Variants in BDP1 observed in about 807,000 individuals in gnomAD.
The protein encoded by BDP1 is BDP1 general transcription factor IIIB subunit.
BDP1 carries 169 observed loss-of-function variants against 266.6 expected under a neutral mutation model. The observed-to-expected ratio is 0.63, with a 90% confidence interval of 0.56 to 0.72. The LOEUF is 0.72. BDP1 is among the 30% of genes least tolerant of loss of function. BDP1 has a pLI of 0.00. For missense variants in BDP1, 3,015 were observed against 3,053.8 expected, an observed-to-expected ratio of 0.99 and a Z score of 0.30; for synonymous variants, 1,090 against 1,022.4, an observed-to-expected ratio of 1.07 and a Z score of -1.26.
At chr5:71,570,532 A>G (rs941368109), downstream of BDP1, among the ~76,000 whole-genome samples, 5 of 152,228 alleles carry the variant, frequency 3.3e-5, no homozygotes, top group African/African-American at 1.2e-4. Context: ...GTGTCATGCA[A>G]CACTTTAGAA....
chr5:71,511,738 T>C lies in BDP1; in HGVS notation c.4060-503T>C, dbSNP rs114505516. Among the ~76,000 whole-genome samples, 524 of 152,276 alleles carry C rather than the reference T, an allele frequency of 3.4e-3. 3 individuals are homozygous for C. Among genetic ancestry groups the C allele is most frequent in the African/African-American group, 0.012 (494 of 41,564 alleles). The stretch of plus-strand genomic sequence containing the variant: ...AAGTCAGATGGGCAAGGATCAAACT[T>C]TTCTTTTGGCTTAGGTTTGAGATCT... On this transcript the variant is annotated intron_variant, in intron 17 of 38. Coordinates refer to ENST00000358731, the MANE Select transcript of BDP1 (RefSeq NM_018429.3).
intron 28 of BDP1, among the ~76,000 whole-genome samples, chr5:71,540,807 G>A (rs1766919955): frequency 6.6e-6 from 1 of 152,114 alleles, no homozygotes; most frequent in African/African-American, 2.4e-5. Flanking sequence ...GCATGGTGGT[G>A]TACACTTGTA....
intron 28 of BDP1, among the ~76,000 whole-genome samples, 168 bp downstream of exon 28, chr5:71,539,817 C>T (rs1766852137): frequency 6.6e-6 from 1 of 151,986 alleles, no homozygotes; most frequent in African/African-American, 2.4e-5. Flanking sequence ...TATTTTACTA[C>T]TGTTTAGGTG....
rs1453330491 is a variant in BDP1 at position 71,541,439 on chromosome 5, T to G, written c.6023-15T>G. ...TTTGGTCCATTTTAATTTTGTTTTT[T>G]TTTTTTTTCTTCAGTAGGAGTATGT... On this transcript the variant is annotated splice_polypyrimidine_tract_variant and intron_variant, in intron 28 of 38. Transcript: ENST00000358731. The G allele has an allele frequency of 6.6e-6, 7 of 1,056,930 alleles. No homozygotes were observed. The highest frequency in any genetic ancestry group is 1.6e-5 in the African/African-American group (1 of 61,290). 65.5% of individuals were successfully genotyped at this position (1,056,930 alleles called of 1,614,324 possible). A position where few individuals can be genotyped will look rare whatever the true frequency, so the allele number is the denominator to read the frequency against.
intron 25 of BDP1, among the ~76,000 whole-genome samples, chr5:71,525,517 G>A (rs1765777327): frequency 7.3e-6 from 1 of 136,850 alleles, no homozygotes; most frequent in African/African-American, 2.7e-5. Context: ...CCTCCCGGAC[G>A]GGGCGGCTGG....
chr5:71,496,846 G>A (rs1201212128), intron 12 of BDP1, among the ~76,000 whole-genome samples: 1 of 152,218 alleles, frequency 6.6e-6, no homozygotes. Flanking sequence ...GCCTCCCAAA[G>A]TGCTGGGATT....
At chr5:71,470,892 T>G (rs1424194960) in intron 7 of BDP1, among the ~76,000 whole-genome samples, 1 of 125,704 alleles carries the variant, frequency 8.0e-6, no homozygotes, top group Admixed American at 7.7e-5. Flanking sequence ...TGCCCAGCCC[T>G]TTTTTTTTTT....
At chr5:71,506,802 CACACACACACACACACACACA>C (rs2150458898) in intron 16 of BDP1, among the ~76,000 whole-genome samples, 1 of 136,050 alleles carries the variant, frequency 7.4e-6, no homozygotes, top group South Asian at 2.6e-4. Flanking sequence ...CACACACACA[CACACACACACACACACACACA>C]CCCATATTTT....
intron 11 of BDP1, chr5:71,494,884 A>C (rs1055673840): frequency 1.3e-5 from 2 of 154,462 alleles, no homozygotes; most frequent in Non-Finnish European, 2.9e-5. Context: ...TTTTTAGTAG[A>C]GATGGGATTT....
chr5:71,546,133 G>T (rs1742284527), intron 32 of BDP1, among the ~76,000 whole-genome samples: 1 of 152,006 alleles, frequency 6.6e-6, no homozygotes, highest in South Asian at 2.1e-4. Flanking sequence ...AAGGAGTTTG[G>T]TTACATTTAA....
chr5:71,531,953 C>T (rs770050675), intron 25 of BDP1, among the ~76,000 whole-genome samples: 8 of 152,128 alleles, frequency 5.3e-5, no homozygotes, highest in Non-Finnish European at 1.2e-4. Flanking sequence ...CTTTATATCC[C>T]TGTACACCTA....
At chr5:71,512,647 G>T (rs920533521) in intron 18 of BDP1, among the ~76,000 whole-genome samples, 5 of 152,290 alleles carry the variant, frequency 3.3e-5, no homozygotes, top group African/African-American at 7.2e-5. Flanking sequence ...ATACAGGTTT[G>T]ATAGACTCAT....
chr5:71,509,041 T>C (rs1159941114), intron 16 of BDP1, among the ~76,000 whole-genome samples: 3 of 152,182 alleles, frequency 2.0e-5, no homozygotes, highest in Non-Finnish European at 1.5e-5. Flanking sequence ...ATCCAGGTAT[T>C]TGAGGTGGTC....
At chr5:71,479,570 G>A (rs551189052) in intron 7 of BDP1, among the ~76,000 whole-genome samples, 8 of 149,156 alleles carry the variant, frequency 5.4e-5, no homozygotes, top group East Asian at 4.0e-4. Flanking sequence ...TTTTTGAGGC[G>A]GAGTCTCGCT....
chr5:71,490,847 T>A, intron 10 of BDP1, 137 bp from the exon 11 acceptor site: 1 of 780,914 alleles, frequency 1.3e-6, no homozygotes, highest in Non-Finnish European at 1.9e-6. Flanking sequence ...AAAAATAAGA[T>A]GTGTGCCTTG....
chr5:71,471,204 G>GCGATAT (rs1467998847), intron 7 of BDP1, among the ~76,000 whole-genome samples: 4 of 144,462 alleles, frequency 2.8e-5, no homozygotes, highest in African/African-American at 1.0e-4. Flanking sequence ...GTGCAGTGGT[G>GCGATAT]CGATATCGGC....
chr5:71,503,842 G>GCTC (rs766501015), intron 15 of BDP1, among the ~76,000 whole-genome samples: 6 of 151,994 alleles, frequency 3.9e-5, no homozygotes, highest in Non-Finnish European at 7.4e-5. Flanking sequence ...TTGGTGGTGT[G>GCTC]CTCCTATAGT....
chr5:71,513,446 T>G (rs1765049782), intron 19 of BDP1, 39 bp downstream of exon 19: 4 of 1,233,344 alleles, frequency 3.2e-6, no homozygotes, highest in South Asian at 1.5e-5. Context: ...GTGGGTGTTT[T>G]TTTTTTTTTT....
rs1213925468 is a variant in BDP1, at chr5:71,565,963, T to C, written c.*1078T>C. ...AAGGATATTCAGTTTTAGCTATTTT[T>C]ACCCCTCAGATTGTAGATAAAGAAG... On this transcript the variant is annotated 3_prime_UTR_variant, in exon 39 of 39. Coordinates refer to ENST00000358731, the MANE Select transcript of BDP1 (RefSeq NM_018429.3). The C allele has an allele frequency of 5.0e-6, 1 of 198,262 alleles. No homozygotes were observed. The highest frequency in any genetic ancestry group is 1.1e-5 in the Non-Finnish European group (1 of 90,544). 12.3% of individuals were successfully genotyped at this position (198,262 alleles called of 1,614,324 possible).
Sources: gnomAD v4.1 joint callset for allele counts (sites outside exome capture counted in the v4.1 genomes callset) on GRCh38, gnomAD v4.1.1 for gene constraint, MANE v1.5 for transcripts, NCBI Gene and HGNC (gene_info 2026-07-23, HGNC 2026-07-21) for gene names.